TTC3: variants seen among roughly 807,000 people sequenced by gnomAD.
The protein encoded by TTC3 is E3 ubiquitin-protein ligase TTC3.
A neutral mutation model predicts 249.6 loss-of-function variants in TTC3; 180 were observed. The ratio of observed to expected loss-of-function variants is 0.72; its 90% CI spans 0.64 to 0.82. TTC3 has a LOEUF of 0.82. Ranked by LOEUF, TTC3 falls within the 40% of genes least tolerant of loss-of-function variation. The probability of loss-of-function intolerance (pLI) is 0.00; values close to 1 mark genes in which losing one functional copy is unlikely to be tolerated. For synonymous variants in TTC3, 717 were observed against 805.0 expected, an observed-to-expected ratio of 0.89 and a Z score of 1.85; for missense variants, 2,061 against 2,398.4, an observed-to-expected ratio of 0.86 and a Z score of 2.94.
At chr21:37,164,409 G>A (rs569603793) in intron 32 of TTC3, among the ~76,000 whole-genome samples, 194 bp downstream of exon 32, 30 of 150,512 alleles carry the variant, frequency 2.0e-4, no homozygotes, top group African/African-American at 7.4e-4. Context: ...TGCAATCTCT[G>A]CTCACTACAA....
intron 11 of TTC3, among the ~76,000 whole-genome samples, chr21:37,120,890 A>T (rs750702715): frequency 1.3e-5 from 2 of 152,178 alleles, no homozygotes; most frequent in Non-Finnish European, 2.9e-5. Context: ...TGTAGTGAAG[A>T]GGAAAGAGCT....
intron 10 of TTC3, among the ~76,000 whole-genome samples, chr21:37,102,001 C>T (rs2074558904): frequency 6.7e-6 from 1 of 148,590 alleles, no homozygotes; most frequent in Non-Finnish European, 1.5e-5. Context: ...ATGTAGATTT[C>T]CATTTTAAAG....
At chr21:37,076,391 G>A (rs1429703088) in intron 1 of TTC3, among the ~76,000 whole-genome samples, 1 of 152,128 alleles carries the variant, frequency 6.6e-6, no homozygotes, top group Non-Finnish European at 1.5e-5. Context: ...ATACTTTTTG[G>A]TTCACAGTTG....
chr21:37,191,314 T>C lies in TTC3; in HGVS notation c.5025-20T>C, dbSNP rs2084064213. 1 of 1,549,526 alleles carries C rather than the reference T, an allele frequency of 6.5e-7. No individual in the cohort carries two copies. On this transcript the variant is annotated intron_variant, in intron 39 of 45. Coordinates refer to ENST00000355666, the Ensembl canonical transcript of TTC3. The stretch of plus-strand genomic sequence containing the variant: ...TAATTTTTAAAATTTCTAAAGCAGT[T>C]TTATATTATACTTTTTCAGTGATCC...
At chr21:37,150,156 G>A (rs781468786) in exon 24 of TTC3, 1 of 1,612,898 alleles carries the variant, frequency 6.2e-7, no homozygotes, top group Non-Finnish European at 8.5e-7. Context: ...CAGTGGTGGT[G>A]AAGTTAAATG....
chr21:37,119,673 T>G (rs2835607), intron 11 of TTC3, among the ~76,000 whole-genome samples: 73,212 of 151,970 alleles, frequency 0.48, 18,329 homozygotes, highest in Non-Finnish European at 0.56. Context: ...GTAAGCGGGA[T>G]CAATCACAGG....
chr21:37,155,354 C>T (rs2079945372), intron 27 of TTC3, among the ~76,000 whole-genome samples: 1 of 152,100 alleles, frequency 6.6e-6, no homozygotes, highest in South Asian at 2.1e-4. Flanking sequence ...TTTAACATCC[C>T]AATAGTGAAC....
At position 37,111,512 on chromosome 21, in the gene TTC3, A is replaced by G. The variant is rs528666285; in HGVS notation, c.900+3066A>G. On this transcript the variant is annotated intron_variant, in intron 11 of 45. Coordinates refer to ENST00000355666, the Ensembl canonical transcript of TTC3. ...AAGAAGAACTAACTATCCTAAATAT[A>G]TATGCACCCAATACAGGAGCACCCA... 2.6e-5 allele frequency among the ~76,000 whole-genome samples: 4 copies of G among 152,328 alleles called. No individual in the cohort carries two copies. The East Asian group carries it at 7.7e-4, about 29-fold the overall frequency.
intron 8 of TTC3, among the ~76,000 whole-genome samples, chr21:37,095,137 A>ATGTGTGTGTGTGTGTGTGTGTG (rs57682889): frequency 0.015 from 2,188 of 147,402 alleles, 27 homozygotes; most frequent in East Asian, 0.025. Flanking sequence ...CTCTAAAAAT[A>ATGTGTGTGTGTGTGTGTGTGTG]TGTGTGTGTG....
At chr21:37,190,181 G>A (rs1289942017) in intron 39 of TTC3, among the ~76,000 whole-genome samples, 1 of 121,626 alleles carries the variant, frequency 8.2e-6, no homozygotes, top group Non-Finnish European at 1.6e-5. Context: ...TTGCTCTGTC[G>A]CACAGGCTGG....
exon 33 of TTC3, chr21:37,165,845 G>T (rs1478859220): frequency 2.5e-6 from 4 of 1,614,206 alleles, no homozygotes; most frequent in South Asian, 1.1e-5. Flanking sequence ...GAATCCAGCT[G>T]CTAGGGAATT....
Position 37,148,759 on chromosome 21 carries a change from T to C in TTC3, c.2118+112T>C, listed in dbSNP as rs939010235. The C allele has an allele frequency of 5.7e-5, 37 of 650,914 alleles. No homozygotes were observed. In the East Asian group the frequency reaches 1.2e-3, roughly 20 times the overall value. The allele number at this position is 650,914 out of a possible 1,614,324, so 40.3% of individuals were successfully genotyped here. On this transcript the variant is annotated intron_variant, in intron 23 of 45. Coordinates refer to ENST00000355666, the Ensembl canonical transcript of TTC3. ...CACATAATTAGAAAATTTTAAATTA[T>C]AACTTTAATAATAAAGTGGAAAATC...
chr21:37,143,554 C>T lies in TTC3; in HGVS notation c.1773-971C>T, dbSNP rs1322353110. On this transcript the variant is annotated intron_variant, in intron 20 of 45. Transcript: ENST00000355666. ...AAAACCACAATGAGATACCGTCTCACACCAGTTAGAATGGCGATCATTAAA... is the reference window on the plus strand; with the variant it reads ...AAAACCACAATGAGATACCGTCTCATACCAGTTAGAATGGCGATCATTAAA... Among the ~76,000 whole-genome samples the T allele has an allele frequency of 5.9e-5, 9 of 152,106 alleles. No homozygotes were observed. The South Asian group carries it at 1.5e-3, about 25-fold the overall frequency.
rs1227714276 is a variant in TTC3, at chr21:37,151,920, C to CA, written c.2310dup (p.Leu771IlefsTer26). On this transcript the variant is annotated frameshift_variant, in exon 26 of 46. Transcript: ENST00000355666. LOFTEE classifies it high-confidence loss of function. ...TAGAGAAACTAAGACTGAAAGAAGACAAAAAATTGAAGAGAAAGATCCAAA... is the reference window on the plus strand; with the variant it reads ...TAGAGAAACTAAGACTGAAAGAAGACAAAAAAATTGAAGAGAAAGATCCAAA... 1.3e-6 allele frequency: 2 copies of CA among 1,596,056 alleles called. No homozygotes were observed. The highest frequency in any genetic ancestry group is 1.7e-6 in the Non-Finnish European group (2 of 1,173,984).
chr21:37,083,376 A>G (rs554521184), intron 1 of TTC3: 14 of 985,346 alleles, frequency 1.4e-5, no homozygotes, highest in Middle Eastern at 5.2e-4. Flanking sequence ...GGTTTTAAGC[A>G]GTAAAGTGAT....
chr21:37,195,843 C>T, exon 42 of TTC3: 1 of 1,614,248 alleles, frequency 6.2e-7, no homozygotes, highest in Non-Finnish European at 8.5e-7. Flanking sequence ...AGGGCCACCC[C>T]CTGGTCAGCC....
At chr21:37,091,816 C>T (rs1040447461) in intron 7 of TTC3, among the ~76,000 whole-genome samples, 1 of 152,286 alleles carries the variant, frequency 6.6e-6, no homozygotes, top group East Asian at 1.9e-4. Context: ...CTCCTGACCT[C>T]GTGGTCTGCC....
chr21:37,167,344 G>A lies in TTC3; in HGVS notation c.4402-211G>A, dbSNP rs573909541. Among the ~76,000 whole-genome samples the A allele has an allele frequency of 9.9e-5, 15 of 152,122 alleles. No individual in the cohort carries two copies. In the South Asian group the frequency reaches 3.1e-3, roughly 32 times the overall value. On this transcript the variant is annotated intron_variant, in intron 33 of 45. Transcript: ENST00000355666. ...TTCTAGGAAGCTTTGAAAAAAATAG[G>A]TTAAGAGCAATGGATCATAATCATT...
exon 34 of TTC3, chr21:37,167,561 T>G (rs1338738391): frequency 6.2e-7 from 1 of 1,608,612 alleles, no homozygotes. Context: ...ACAGGTATCT[T>G]GGAACATAAT....
Sources: allele counts gnomAD v4.1 joint callset (sites outside exome capture counted in the v4.1 genomes callset), GRCh38; gene constraint gnomAD v4.1.1; transcripts MANE v1.5; gene names NCBI Gene and HGNC (gene_info 2026-07-23, HGNC 2026-07-21).